Variants in MRE11 observed in about 807,000 individuals in gnomAD.
MRE11 encodes the protein MRE11 double strand break repair nuclease.
In MRE11, 62 loss-of-function variants were observed where a neutral mutation model predicts 91.7. That is an observed-to-expected ratio of 0.68 (90% CI 0.55 to 0.84). MRE11 has a LOEUF of 0.84. Ranked by LOEUF, MRE11 falls within the 40% of genes least tolerant of loss-of-function variation. MRE11 has a pLI of 0.00. For missense variants in MRE11, 796 were observed against 852.9 expected (o/e 0.93, Z 0.83); for synonymous variants, 273 against 271.4 (o/e 1.01, Z -0.06).
At chr11:94,492,105 A>G (rs960243983) in intron 2 of MRE11, among the ~76,000 whole-genome samples, 13 of 152,254 alleles carry the variant, frequency 8.5e-5, no homozygotes, top group African/African-American at 2.6e-4. Context: ...AACTAGGGTA[A>G]AAGACTCCAA....
At chr11:94,492,928 A>C (rs1947327799) in intron 1 of MRE11, 22 bp from the exon 2 acceptor site, 2 of 865,390 alleles carry the variant, frequency 2.3e-6, no homozygotes, top group Non-Finnish European at 3.8e-6. Context: ...ATTACATCAT[A>C]AAACACATTT....
chr11:94,459,441 A>G lies in MRE11; in HGVS notation c.1467T>C (p.His489=). Residue 489 remains histidine (H), a synonymous_variant, in exon 13 of 20, where the codon CAT becomes CAC. Coordinates refer to ENST00000323929, the MANE Select transcript of MRE11 (RefSeq NM_005591.4). ...EKTQRFLKER[H]IDALEDKIDE... is the part of the protein sequence containing the mutation. ...CGATTTTGTCTTCGAGGGCATCAAT[A>G]TGACGTTCTTTAAGAAATCGCTGTG... The G allele has an allele frequency of 6.2e-7, 1 of 1,614,032 alleles. No individual in the cohort carries two copies. Among genetic ancestry groups the G allele is most frequent in the East Asian group, 2.2e-5 (1 of 44,860 alleles).
the MRE11 span, among the ~76,000 whole-genome samples, chr11:94,505,481 A>G: frequency 6.6e-6 from 1 of 152,214 alleles, no homozygotes; most frequent in Non-Finnish European, 1.5e-5. Context: ...AAATACAAAA[A>G]AAGCTCATAG....
At chr11:94,478,588 AC>A in intron 6 of MRE11, 146 bp downstream of exon 6, 1 of 960,142 alleles carries the variant, frequency 1.0e-6, no homozygotes. Flanking sequence ...AAAAATTTTT[AC>A]CAAAACCATC....
chr11:94,439,892 C>T (rs1026954810), intron 16 of MRE11, among the ~76,000 whole-genome samples: 7 of 152,018 alleles, frequency 4.6e-5, no homozygotes, highest in Non-Finnish European at 7.4e-5. Context: ...TTCACCCTTA[C>T]GCTACACAAT....
chr11:94,434,091 G>A (rs518276), intron 18 of MRE11, among the ~76,000 whole-genome samples: 63,120 of 151,868 alleles, frequency 0.42, 13,301 homozygotes, highest in Middle Eastern at 0.5. Context: ...CGTCCCTTAG[G>A]TTTCATTACA....
At chr11:94,495,119 G>A (rs1436514237), upstream of MRE11, among the ~76,000 whole-genome samples, 3 of 152,112 alleles carry the variant, frequency 2.0e-5, no homozygotes, top group East Asian at 5.8e-4. Flanking sequence ...AAAGTTACTG[G>A]ACATGAGTAA....
At position 94,437,318 on chromosome 11, in the gene MRE11, TTC is replaced by T. The variant is rs13447714; in HGVS notation, c.1868-85_1868-84del. On this transcript the variant is annotated intron_variant, in intron 16 of 19. Transcript: ENST00000323929. ...TTGCATACTTCTTTAGCTAAAGATT[TTC>T]TGAGTCCTATCTGCAAAACTGAATG... 135,079 of 1,327,968 alleles carry T rather than the reference TTC, an allele frequency of 0.1. 7,479 individuals are homozygous for T. The highest frequency in any genetic ancestry group is 0.19 in the South Asian group (14,515 of 77,416). 82.3% of individuals were successfully genotyped at this position (1,327,968 alleles called of 1,614,324 possible).
At chr11:94,454,667 T>C (rs1354113001) in intron 14 of MRE11, among the ~76,000 whole-genome samples, 3 of 152,180 alleles carry the variant, frequency 2.0e-5, no homozygotes, top group African/African-American at 7.2e-5. Context: ...AGTTATTTCT[T>C]CTGTAAAACT....
chr11:94,506,652 G>A, the MRE11 span, among the ~76,000 whole-genome samples: 119 of 150,946 alleles, frequency 7.9e-4, no homozygotes, highest in African/African-American at 2.7e-3. Context: ...GCAGTGGTGC[G>A]ATCATGACTC....
At chr11:94,498,501 A>G, upstream of MRE11, 4 of 1,613,462 alleles carry the variant, frequency 2.5e-6, no homozygotes, top group South Asian at 4.4e-5. Context: ...GAAATTGTGG[A>G]AGGCTGTACA....
At chr11:94,482,016 A>C (rs1370886643) in intron 4 of MRE11, among the ~76,000 whole-genome samples, 1 of 152,242 alleles carries the variant, frequency 6.6e-6, no homozygotes, top group Non-Finnish European at 1.5e-5. Context: ...AAACATAATG[A>C]ATAGAATGGG....
intron 16 of MRE11, among the ~76,000 whole-genome samples, chr11:94,441,970 T>TCTGTCTCAAAA (rs1297602888): frequency 8.2e-6 from 1 of 121,454 alleles, no homozygotes; most frequent in Admixed American, 9.1e-5. Context: ...AGAGAGAGAC[T>TCTGTCTCAAAA]CTGTCTCAAA....
intron 16 of MRE11, among the ~76,000 whole-genome samples, chr11:94,439,295 C>A (rs552126): frequency 0.26 from 39,633 of 151,872 alleles, 5,250 homozygotes; most frequent in Middle Eastern, 0.33. Context: ...AAAAAACCCA[C>A]CAAATCCAAC....
At chr11:94,424,095 A>G (rs1340221680) in intron 19 of MRE11, among the ~76,000 whole-genome samples, 2 of 152,158 alleles carry the variant, frequency 1.3e-5, no homozygotes, top group Non-Finnish European at 2.9e-5. Context: ...AGTGGCCCTT[A>G]TGAGTGGTCA....
At chr11:94,456,128 G>A (rs946373270) in intron 14 of MRE11, 148 bp downstream of exon 14, 6 of 691,246 alleles carry the variant, frequency 8.7e-6, no homozygotes, top group South Asian at 1.7e-5. Flanking sequence ...AGGCTGAACT[G>A]AAATCAACCA....
At chr11:94,430,123 G>C (rs928015628) in intron 18 of MRE11, 137 bp from the exon 19 acceptor site, 7 of 876,458 alleles carry the variant, frequency 8.0e-6, no homozygotes, top group Non-Finnish European at 1.3e-5. Flanking sequence ...TACATTAGCG[G>C]CAATAAAACT....
the MRE11 span, among the ~76,000 whole-genome samples, chr11:94,503,946 A>G: frequency 1.6e-4 from 25 of 152,218 alleles, no homozygotes; most frequent in East Asian, 3.7e-3. Context: ...AAATCCAGAT[A>G]TAGATAATTA....
intron 15 of MRE11, among the ~76,000 whole-genome samples, 158 bp downstream of exon 15, chr11:94,447,061 A>G (rs1010174876): frequency 6.6e-6 from 1 of 152,224 alleles, no homozygotes; most frequent in African/African-American, 2.4e-5. Context: ...ACATGTCAGA[A>G]CTGCCTTAAA....
Sources: allele counts gnomAD v4.1 joint callset (sites outside exome capture counted in the v4.1 genomes callset), GRCh38; gene constraint gnomAD v4.1.1; transcripts MANE v1.5; gene names NCBI Gene and HGNC (gene_info 2026-07-23, HGNC 2026-07-21).